Variants in WDR70 observed in about 807,000 individuals in gnomAD.
The protein encoded by WDR70 is WD repeat domain 70.
WDR70 carries 53 observed loss-of-function variants against 88.6 expected under a neutral mutation model. The observed-to-expected ratio is 0.60, with a 90% CI of 0.48 to 0.75. The LOEUF (loss-of-function observed/expected upper bound fraction) is 0.75. WDR70 is among the 30% of genes least tolerant of loss of function. The pLI is 0.00. For synonymous variants in WDR70, 280 were observed against 270.0 expected (o/e 1.04, Z -0.36); for missense variants, 610 against 823.2 (o/e 0.74, Z 3.17).
chr5:37,744,581 G>C (rs1478508363), intron 17 of WDR70, among the ~76,000 whole-genome samples: 3 of 151,910 alleles, frequency 2.0e-5, no homozygotes, highest in African/African-American at 7.3e-5. Flanking sequence ...AGTTTAGAGA[G>C]GAACATAAAT....
intron 7 of WDR70, 141 bp from the exon 8 acceptor site, chr5:37,479,693 T>C: frequency 1.0e-6 from 1 of 983,500 alleles, no homozygotes; most frequent in Non-Finnish European, 1.5e-6. Context: ...TTAGAACCCA[T>C]TTGAGGTTGA....
chr5:37,536,541 C>T (rs187282860), intron 9 of WDR70, among the ~76,000 whole-genome samples: 1 of 152,126 alleles, frequency 6.6e-6, no homozygotes, highest in African/African-American at 2.4e-5. Context: ...TCAAAAAGCA[C>T]TCAGAAAGTT....
intron 9 of WDR70, among the ~76,000 whole-genome samples, chr5:37,550,864 C>CT (rs781616616): frequency 2.6e-5 from 4 of 152,024 alleles, no homozygotes; most frequent in Non-Finnish European, 4.4e-5. Context: ...ATTGATTTAG[C>CT]TTTTTATTTT....
At chr5:37,666,832 T>C (rs1051884008) in intron 10 of WDR70, among the ~76,000 whole-genome samples, 5 of 152,018 alleles carry the variant, frequency 3.3e-5, no homozygotes, top group African/African-American at 4.8e-5. Flanking sequence ...ACTGGTCACA[T>C]GTCTAGGGTA....
At chr5:37,604,146 A>T (rs1262237209) in intron 9 of WDR70, among the ~76,000 whole-genome samples, 1 of 149,188 alleles carries the variant, frequency 6.7e-6, no homozygotes, top group Non-Finnish European at 1.5e-5. Context: ...CACTTTTGTC[A>T]TATTTATTCT....
intron 10 of WDR70, among the ~76,000 whole-genome samples, chr5:37,691,020 A>G (rs1746777852): frequency 6.6e-6 from 1 of 152,092 alleles, no homozygotes; most frequent in South Asian, 2.1e-4. Context: ...AAATAAAGGG[A>G]TGGAGGGGGA....
At chr5:37,624,293 A>C (rs1744604501) in intron 10 of WDR70, among the ~76,000 whole-genome samples, 1 of 152,154 alleles carries the variant, frequency 6.6e-6, no homozygotes, top group African/African-American at 2.4e-5. Flanking sequence ...GAGTGAGAAC[A>C]TGTGGAGTTT....
chr5:37,480,334 G>C (rs1343850073), intron 8 of WDR70, among the ~76,000 whole-genome samples: 5 of 151,992 alleles, frequency 3.3e-5, no homozygotes, highest in Non-Finnish European at 7.4e-5. Context: ...TGTCTAGTTT[G>C]GGTCTTTTCA....
chr5:37,548,171 G>A (rs1418307233), intron 9 of WDR70, among the ~76,000 whole-genome samples: 1 of 152,178 alleles, frequency 6.6e-6, no homozygotes, highest in Non-Finnish European at 1.5e-5. Flanking sequence ...CCAGCAGTGG[G>A]ATTGCTGAAT....
chr5:37,667,966 T>G (rs1000270792), intron 10 of WDR70, among the ~76,000 whole-genome samples: 1 of 152,274 alleles, frequency 6.6e-6, no homozygotes, highest in East Asian at 1.9e-4. Context: ...ATACTCATGT[T>G]TATTGTGAAT....
At chr5:37,720,880 A>T (rs556027441) in intron 13 of WDR70, among the ~76,000 whole-genome samples, 270 of 152,338 alleles carry the variant, frequency 1.8e-3, no homozygotes, top group Non-Finnish European at 3.1e-3. Flanking sequence ...AAGGGAGATA[A>T]TGTCAGGAAG....
At chr5:37,400,754 G>A (rs974516898) in intron 5 of WDR70, among the ~76,000 whole-genome samples, 2 of 152,150 alleles carry the variant, frequency 1.3e-5, no homozygotes, top group Non-Finnish European at 2.9e-5. Flanking sequence ...AGGTTTGCAA[G>A]GCTGACTAAT....
intron 10 of WDR70, among the ~76,000 whole-genome samples, chr5:37,656,031 G>A (rs1246053346): frequency 2.8e-5 from 4 of 143,130 alleles, no homozygotes; most frequent in African/African-American, 9.9e-5. Context: ...CTGGTTTTTG[G>A]AATTTTCAGC....
intron 3 of WDR70, among the ~76,000 whole-genome samples, chr5:37,382,062 A>G (rs1044847721): frequency 2.6e-5 from 4 of 152,018 alleles, no homozygotes; most frequent in Non-Finnish European, 5.9e-5. Context: ...TCAGAGAACA[A>G]AGAGAGAAAA....
At chr5:37,555,640 G>A (rs10473053) in intron 9 of WDR70, among the ~76,000 whole-genome samples, 2,947 of 152,176 alleles carry the variant, frequency 0.019, 85 homozygotes, top group African/African-American at 0.066. Flanking sequence ...ACCTTTTCCC[G>A]CTTAACCTTA....
intron 8 of WDR70, 152 bp from the exon 9 acceptor site, chr5:37,516,362 T>G (rs569214052): frequency 1.7e-5 from 8 of 470,226 alleles, no homozygotes; most frequent in African/African-American, 5.8e-5. Flanking sequence ...TGAGAGAAAA[T>G]TGGGATAAAA....
At chr5:37,699,497 A>G (rs1747089980) in intron 11 of WDR70, among the ~76,000 whole-genome samples, 1 of 152,012 alleles carries the variant, frequency 6.6e-6, no homozygotes, top group Non-Finnish European at 1.5e-5. Context: ...TCCTGGATGT[A>G]TACAATATGG....
In WDR70 at chr5:37,535,171, G is replaced by A. The variant is rs193277758; in HGVS notation, c.917+18581G>A. 9.1e-4 allele frequency among the ~76,000 whole-genome samples: 139 copies of A among 152,124 alleles called. 1 individual carries two copies. Among genetic ancestry groups the A allele is most frequent in the East Asian group, 9.7e-4 (5 of 5,176 alleles). On this transcript the variant is annotated intron_variant, in intron 9 of 17. Coordinates refer to ENST00000265107, the MANE Select transcript of WDR70 (RefSeq NM_018034.4). The stretch of plus-strand genomic sequence containing the variant: ...GTTAAAGCAAAACGATAAAGAGTAG[G>A]AGAGAGGGGTCTACTGCACGTAGAG...
At chr5:37,586,208 C>G (rs931688628) in intron 9 of WDR70, among the ~76,000 whole-genome samples, 2 of 152,096 alleles carry the variant, frequency 1.3e-5, no homozygotes, top group African/African-American at 4.8e-5. Context: ...GCATTTTATG[C>G]TTGAACACTC....
Sources: allele counts gnomAD v4.1 joint callset (sites outside exome capture counted in the v4.1 genomes callset), GRCh38; gene constraint gnomAD v4.1.1; transcripts MANE v1.5; gene names NCBI Gene and HGNC (gene_info 2026-07-23, HGNC 2026-07-21).